The following MED13L variants were observed in gnomAD, a reference collection of about 807,000 sequenced individuals.
MED13L encodes the protein mediator of RNA polymerase II transcription subunit 13-like.
MED13L carries 7 observed loss-of-function variants against 220.9 expected under a neutral mutation model. That is an observed-to-expected ratio of 0.03 (90% CI 0.02 to 0.06). The LOEUF (loss-of-function observed/expected upper bound fraction) is 0.06. Ranked by LOEUF, MED13L falls within the 10% of genes least tolerant of loss-of-function variation. MED13L has a pLI of 1.00. For missense variants in MED13L, 1,965 were observed against 2,760.5 expected, an observed-to-expected ratio of 0.71 and a Z score of 6.46; for synonymous variants, 1,011 against 1,015.2, an observed-to-expected ratio of 1.00 and a Z score of 0.08.
intron 2 of MED13L, chr12:116,236,972 A>G (rs1212126791): frequency 3.6e-6 from 2 of 554,190 alleles, no homozygotes; most frequent in East Asian, 3.0e-4. Context: ...GATCCCATAT[A>G]TTCATCTTTC....
intron 4 of MED13L, among the ~76,000 whole-genome samples, chr12:116,061,092 T>G (rs1295389836): frequency 6.6e-6 from 1 of 152,220 alleles, no homozygotes; most frequent in Non-Finnish European, 1.5e-5. Context: ...CTCAGGAAAC[T>G]AACTTAGTAA....
chr12:116,010,068 CG>C (rs1394496392), intron 9 of MED13L, among the ~76,000 whole-genome samples: 1 of 152,092 alleles, frequency 6.6e-6, no homozygotes, highest in Non-Finnish European at 1.5e-5. Context: ...AGCAGTAAAA[CG>C]GATTTGTGGG....
intron 2 of MED13L, among the ~76,000 whole-genome samples, chr12:116,225,241 A>C (rs749870595): frequency 1.3e-5 from 2 of 152,214 alleles, no homozygotes; most frequent in African/African-American, 2.4e-5. Flanking sequence ...GCTGTATTTA[A>C]GTCATTTAAC....
chr12:115,986,177 T>C, intron 19 of MED13L, 89 bp downstream of exon 19: 1 of 1,358,238 alleles, frequency 7.4e-7, no homozygotes, highest in Non-Finnish European at 1.0e-6. Context: ...AGATTTACTT[T>C]CAAGACATTT....
intron 1 of MED13L, among the ~76,000 whole-genome samples, chr12:116,270,491 G>A (rs996126881): frequency 6.6e-6 from 1 of 152,028 alleles, no homozygotes; most frequent in South Asian, 2.1e-4. Context: ...AAAGGAACAC[G>A]AATTTTAAAC....
At chr12:116,015,040 A>G in intron 8 of MED13L, 69 bp downstream of exon 8, 1 of 1,481,146 alleles carries the variant, frequency 6.8e-7, no homozygotes, top group South Asian at 1.1e-5. Flanking sequence ...AATGTGATTG[A>G]CATTTTCCAG....
intron 2 of MED13L, among the ~76,000 whole-genome samples, chr12:116,173,866 A>T (rs984630573): frequency 3.9e-5 from 6 of 152,178 alleles, no homozygotes; most frequent in Non-Finnish European, 8.8e-5. Flanking sequence ...TGGGAGGCCA[A>T]GGCGAGAGGA....
At chr12:116,052,013 A>C (rs1160718254) in intron 4 of MED13L, among the ~76,000 whole-genome samples, 1 of 152,190 alleles carries the variant, frequency 6.6e-6, no homozygotes, top group Non-Finnish European at 1.5e-5. Flanking sequence ...TTCTAACAGC[A>C]GCAGTGGTAG....
intron 10 of MED13L, chr12:116,007,930 G>A (rs192492869): frequency 8.3e-5 from 35 of 422,186 alleles, no homozygotes; most frequent in Admixed American, 3.5e-4. Flanking sequence ...TAAAATTAAC[G>A]TAATAATATG....
chr12:115,962,005 G>A (rs1875796893), intron 30 of MED13L, among the ~76,000 whole-genome samples: 3 of 151,826 alleles, frequency 2.0e-5, no homozygotes, highest in Admixed American at 2.0e-4. Flanking sequence ...AGAAAAGTAT[G>A]TAAAATATTT....
At chr12:116,022,008 A>G (rs1013252263) in intron 5 of MED13L, among the ~76,000 whole-genome samples, 6 of 152,208 alleles carry the variant, frequency 3.9e-5, no homozygotes, top group African/African-American at 1.4e-4. Flanking sequence ...TATACACTGT[A>G]TAATTCTAGA....
rs1266579936 is a variant in MED13L at position 115,983,128 on chromosome 12, A to T, written c.4944T>A (p.Asp1648Glu). 6.2e-7 allele frequency: 1 copy of T among 1,614,070 alleles called. No homozygotes were observed. The highest frequency in any genetic ancestry group is 1.7e-5 in the Admixed American group (1 of 60,018). The change falls in exon 21 of 31, where the codon GAT becomes GAA. Residue 1648 changes from aspartate (D) to glutamate (E), a missense_variant. Coordinates refer to ENST00000281928, the MANE Select transcript of MED13L (RefSeq NM_015335.5). Reference protein sequence around the residue: ...PGQSSSQPSQDGQESVTERER... With the variant: ...PGQSSSQPSQEGQESVTERER... Reference sequence around the variant, plus strand: ...AGTGAATAACATACCTCTCTTGTCCATCCTGTGAGGGCTGAGAAGAGCTCT... The same window carrying T: ...AGTGAATAACATACCTCTCTTGTCCTTCCTGTGAGGGCTGAGAAGAGCTCT...
intron 4 of MED13L, among the ~76,000 whole-genome samples, chr12:116,081,308 G>A (rs766025729): frequency 2.6e-5 from 4 of 152,038 alleles, no homozygotes; most frequent in Non-Finnish European, 4.4e-5. Context: ...TATTTGTTTC[G>A]TATTTGCATT....
At position 115,960,536 on chromosome 12, in the gene MED13L, T is replaced by C. The variant is rs1160226948; in HGVS notation, c.*730A>G. 1 of 152,734 alleles carries C rather than the reference T, an allele frequency of 6.5e-6. No homozygotes were observed. Among genetic ancestry groups the C allele is most frequent in the African/African-American group, 2.4e-5 (1 of 41,452 alleles). The allele number at this position is 152,734 out of a possible 1,614,324, so 9.5% of individuals were successfully genotyped here. ...ATGTGTTTTTACTCCTTTTCCGGCTTCTAGGACAGAGGTATGTAGTCAAAG... is the reference window on the plus strand; with the variant it reads ...ATGTGTTTTTACTCCTTTTCCGGCTCCTAGGACAGAGGTATGTAGTCAAAG... On this transcript the variant is annotated 3_prime_UTR_variant, in exon 31 of 31. Coordinates refer to ENST00000281928, the MANE Select transcript of MED13L (RefSeq NM_015335.5).
At chr12:116,085,560 C>T (rs181321855) in intron 4 of MED13L, among the ~76,000 whole-genome samples, 4 of 152,176 alleles carry the variant, frequency 2.6e-5, no homozygotes, top group African/African-American at 7.2e-5. Flanking sequence ...AAAGTATGTC[C>T]TATTCAGTTT....
At chr12:115,980,596 C>A (rs1453129596) in intron 23 of MED13L, 154 bp downstream of exon 23, 4 of 818,138 alleles carry the variant, frequency 4.9e-6, no homozygotes, top group African/African-American at 1.7e-5. Flanking sequence ...AGTGCTAAGA[C>A]TACAGGTGTG....
intron 2 of MED13L, among the ~76,000 whole-genome samples, chr12:116,123,872 C>T (rs759232730): frequency 1.1e-4 from 16 of 152,162 alleles, no homozygotes; most frequent in Non-Finnish European, 2.2e-4. Context: ...TCATTAGACA[C>T]GCCTGGAGTG....
At chr12:116,038,635 T>C (rs1258603482) in intron 4 of MED13L, among the ~76,000 whole-genome samples, 4 of 146,534 alleles carry the variant, frequency 2.7e-5, no homozygotes, top group African/African-American at 5.1e-5. Context: ...TGGCTCACAG[T>C]GGGAGAAATG....
intron 4 of MED13L, among the ~76,000 whole-genome samples, chr12:116,083,419 A>C (rs1426852447): frequency 1.3e-5 from 2 of 151,356 alleles, no homozygotes; most frequent in African/African-American, 2.4e-5. Context: ...AAAAAAAAAA[A>C]AAAAAAAACA....
Sources: allele counts gnomAD v4.1 joint callset (sites outside exome capture counted in the v4.1 genomes callset), GRCh38; gene constraint gnomAD v4.1.1; transcripts MANE v1.5; gene names NCBI Gene and HGNC (gene_info 2026-07-23, HGNC 2026-07-21).